Variants in RCAN1 observed in about 807,000 individuals in gnomAD.
The protein encoded by RCAN1 is calcipressin-1.
A neutral mutation model predicts 22.9 loss-of-function variants in RCAN1; 11 were observed. The observed-to-expected ratio is 0.48, with a 90% CI of 0.30 to 0.79. The LOEUF (loss-of-function observed/expected upper bound fraction) is 0.79, where lower values mean the gene tolerates loss of function less well. Among genes scored for constraint, RCAN1 ranks in the 30% least tolerant of loss-of-function variants. The probability of loss-of-function intolerance (pLI) is 0.06; values close to 1 mark genes in which losing one functional copy is unlikely to be tolerated. For missense variants in RCAN1, 291 were observed against 337.8 expected (o/e 0.86, Z 1.09); for synonymous variants, 136 against 142.3 (o/e 0.96, Z 0.32).
At chr21:34,552,494 G>A (rs1199867655) in intron 1 of RCAN1, among the ~76,000 whole-genome samples, 9 of 152,118 alleles carry the variant, frequency 5.9e-5, no homozygotes, top group Admixed American at 5.2e-4. Context: ...TACCACAAAC[G>A]GCAAACAGGG....
intron 1 of RCAN1, among the ~76,000 whole-genome samples, chr21:34,528,939 T>C (rs529177945): frequency 6.8e-6 from 1 of 147,496 alleles, no homozygotes; most frequent in East Asian, 1.9e-4. Flanking sequence ...ACAATTTTGA[T>C]TTCGTTATAT....
intron 1 of RCAN1, among the ~76,000 whole-genome samples, chr21:34,538,008 T>C (rs1241865276): frequency 6.6e-6 from 1 of 152,252 alleles, no homozygotes; most frequent in African/African-American, 2.4e-5. Flanking sequence ...TGCTCAAACA[T>C]AAACCACAGT....
intron 1 of RCAN1, among the ~76,000 whole-genome samples, chr21:34,545,538 T>C (rs1986099742): frequency 6.6e-6 from 1 of 152,220 alleles, no homozygotes; most frequent in South Asian, 2.1e-4. Context: ...GTATGCTTCC[T>C]TGAAGAAGTG....
intron 1 of RCAN1, among the ~76,000 whole-genome samples, chr21:34,556,567 T>C (rs1244058636): frequency 6.6e-6 from 1 of 152,158 alleles, no homozygotes; most frequent in Non-Finnish European, 1.5e-5. Flanking sequence ...ATATGTAATT[T>C]AATTTTTAAT....
chr21:34,518,303 A>T lies in RCAN1; in HGVS notation c.587-47T>A. Reference sequence around the variant, plus strand: ...AGGGTCACTCAGACAAGTCCTTGGGAGTCAAAAGGCAAACATAAAAGAGCA... The same window carrying T: ...AGGGTCACTCAGACAAGTCCTTGGGTGTCAAAAGGCAAACATAAAAGAGCA... On this transcript the variant is annotated intron_variant, in intron 3 of 3. Coordinates refer to ENST00000313806, the MANE Select transcript of RCAN1 (RefSeq NM_004414.7). The surrounding 1 kb of genome is among the most constrained non-coding windows in gnomAD (Gnocchi z 4.2). The T allele has an allele frequency of 6.3e-7, 1 of 1,593,760 alleles. No individual in the cohort carries two copies. Among genetic ancestry groups the T allele is most frequent in the East Asian group, 2.2e-5 (1 of 44,634 alleles).
intron 1 of RCAN1, chr21:34,559,958 C>T (rs1986726869): frequency 6.6e-6 from 1 of 152,200 alleles, no homozygotes; most frequent in Admixed American, 6.5e-5. Context: ...GACATGCCTT[C>T]AAGTTTCCAC....
intron 1 of RCAN1, among the ~76,000 whole-genome samples, chr21:34,567,262 A>G (rs1006844404): frequency 5.9e-5 from 9 of 152,212 alleles, no homozygotes; most frequent in Admixed American, 1.3e-4. Flanking sequence ...TTGGGAGGCC[A>G]AGGCGGGAGG....
intron 1 of RCAN1, among the ~76,000 whole-genome samples, chr21:34,578,983 A>C (rs953320248): frequency 2.6e-5 from 4 of 152,264 alleles, no homozygotes; most frequent in Admixed American, 6.5e-5. Context: ...TACAACAAAC[A>C]GACAAACAAA....
intron 1 of RCAN1, among the ~76,000 whole-genome samples, chr21:34,601,577 G>C (rs903612863): frequency 2.0e-5 from 3 of 152,198 alleles, no homozygotes; most frequent in Non-Finnish European, 2.9e-5. Flanking sequence ...CCAGCACTTT[G>C]GGAGGCCAAG....
At chr21:34,568,327 C>A (rs1601184363) in intron 1 of RCAN1, among the ~76,000 whole-genome samples, 1 of 152,202 alleles carries the variant, frequency 6.6e-6, no homozygotes, top group Admixed American at 6.5e-5. Flanking sequence ...CTGCCTCCCA[C>A]AAATCCAACA....
chr21:34,549,740 T>C (rs1453487607), intron 1 of RCAN1, among the ~76,000 whole-genome samples: 2 of 152,156 alleles, frequency 1.3e-5, no homozygotes, highest in African/African-American at 4.8e-5. Context: ...TCTGAAATAT[T>C]TCTGAGCGGA....
intron 1 of RCAN1, 103 bp from the exon 2 acceptor site, chr21:34,523,813 T>C: frequency 6.3e-6 from 6 of 949,922 alleles, no homozygotes; most frequent in Non-Finnish European, 9.3e-6. Context: ...GACAGAGTCT[T>C]GCTCTGTCAC....
At chr21:34,599,747 G>A (rs1030219383) in intron 1 of RCAN1, among the ~76,000 whole-genome samples, 7 of 152,054 alleles carry the variant, frequency 4.6e-5, no homozygotes, top group African/African-American at 1.7e-4. Flanking sequence ...TGTGATTTGA[G>A]GCGTAATTAA....
chr21:34,560,280 A>G (rs746852005), intron 1 of RCAN1: 2 of 152,196 alleles, frequency 1.3e-5, no homozygotes, highest in Non-Finnish European at 2.9e-5. Context: ...AGAAGTCCAC[A>G]CTGGGAGGGG....
In RCAN1 at chr21:34,614,497, A is replaced by T; in HGVS notation, c.252+263T>A. 1 of 1,040,540 alleles carries T rather than the reference A, an allele frequency of 9.6e-7. No individual in the cohort carries two copies. The highest frequency in any genetic ancestry group is 1.2e-6 in the Non-Finnish European group (1 of 866,374). The allele number at this position is 1,040,540 out of a possible 1,614,324, so 64.5% of individuals were successfully genotyped here. On this transcript the variant is annotated intron_variant, in intron 1 of 3. Transcript: ENST00000313806. This position sits in a 1 kb window ranked among gnomAD's most constrained non-coding sequence, Gnocchi z 6.0. ...GCGAATTCACCCCCCTAGTCGCACC[A>T]GCCTGGGCGCACACGGGGGCCGGGG...
At chr21:34,576,438 A>T (rs1208292586) in intron 1 of RCAN1, among the ~76,000 whole-genome samples, 1 of 152,226 alleles carries the variant, frequency 6.6e-6, no homozygotes, top group Non-Finnish European at 1.5e-5. Context: ...GACACTGTCC[A>T]ACTCGGACAC....
chr21:34,557,706 G>A (rs1201120184), intron 1 of RCAN1, among the ~76,000 whole-genome samples: 1 of 152,202 alleles, frequency 6.6e-6, no homozygotes, highest in Non-Finnish European at 1.5e-5. Context: ...GATGAGAAAG[G>A]TGGTGGCCAT....
At chr21:34,537,516 C>T (rs1046264796) in intron 1 of RCAN1, among the ~76,000 whole-genome samples, 1 of 152,200 alleles carries the variant, frequency 6.6e-6, no homozygotes, top group Admixed American at 6.5e-5. Flanking sequence ...TCACTGTGGC[C>T]GAGCAGATGC....
intron 1 of RCAN1, among the ~76,000 whole-genome samples, chr21:34,556,915 C>A (rs1601171124): frequency 6.6e-6 from 1 of 152,164 alleles, no homozygotes; most frequent in East Asian, 1.9e-4. Context: ...ATTTATGGTC[C>A]TTTAAAAGCT....
Sources: gnomAD v4.1 joint callset for allele counts (sites outside exome capture counted in the v4.1 genomes callset) on GRCh38, gnomAD v4.1.1 for gene constraint, Gnocchi (gnomAD v3.1) non-coding constraint, MANE v1.5 for transcripts, NCBI Gene and HGNC (gene_info 2026-07-23, HGNC 2026-07-21) for gene names.